The following NOL10 variants were observed in gnomAD, a reference collection of about 807,000 sequenced individuals.
NOL10 encodes the protein nucleolar protein 10, also known as H_NH0074G24.1.
NOL10 carries 58 observed loss-of-function variants against 103.5 expected under a neutral mutation model. The ratio of observed to expected loss-of-function variants is 0.56; its 90% CI spans 0.45 to 0.70. The LOEUF is 0.70. NOL10 is among the 30% of genes least tolerant of loss of function. NOL10 has a pLI of 0.00. For missense variants in NOL10, 763 were observed against 807.3 expected (o/e 0.95, Z 0.67); for synonymous variants, 287 against 282.5 (o/e 1.02, Z -0.16).
intron 20 of NOL10, among the ~76,000 whole-genome samples, chr2:10,575,146 T>C (rs917483406): frequency 1.3e-5 from 2 of 152,204 alleles, no homozygotes; most frequent in East Asian, 1.9e-4. Context: ...ACAGGCACAT[T>C]TGTATCAGCA....
chr2:10,583,226 G>C (rs1168630620), intron 19 of NOL10, among the ~76,000 whole-genome samples: 1 of 152,212 alleles, frequency 6.6e-6, no homozygotes, highest in Non-Finnish European at 1.5e-5. Context: ...CAGTACATCT[G>C]TGAATTCTCT....
Position 10,663,014 on chromosome 2 carries a change from G to A in NOL10, c.622C>T (p.Arg208Ter), listed in dbSNP as rs868041961. The change falls in exon 9 of 21, where the codon CGA becomes TGA. Residue 208 changes from arginine to a stop codon, truncating the protein, a stop_gained. Coordinates refer to ENST00000381685, the MANE Select transcript of NOL10 (RefSeq NM_024894.4). LOFTEE classifies it high-confidence loss of function. ...CAGTCTAACAGGCCAACTCTGTTTC[G>A]AGTTCTTGGGTCCCAGCACTCCACT... ...GRVECWDPRT[R>*]NRVGLLDCAL... 2.5e-6 allele frequency: 4 copies of A among 1,613,852 alleles called. No individual in the cohort carries two copies. The highest frequency in any genetic ancestry group is 3.4e-6 in the Non-Finnish European group (4 of 1,179,812).
chr2:10,649,193 A>G (rs910346349), intron 12 of NOL10, among the ~76,000 whole-genome samples: 1 of 150,126 alleles, frequency 6.7e-6, no homozygotes, highest in African/African-American at 2.5e-5. Flanking sequence ...AAACCACAAC[A>G]ACCACAGAAG....
rs1324980030 is a variant in NOL10, at chr2:10,657,862, C to T, written c.786G>A (p.Lys262=). ...ACTGGTGATCTTTAACTAGCAATGG[C>T]TTATCAGATCGAAGGTCATATAATA... The part of the protein sequence containing the change: ...QVLLYDLRSD[K]PLLVKDHQYG... The change falls in exon 11 of 21, where the codon AAG becomes AAA. Residue 262 remains lysine (K), a synonymous_variant. Transcript: ENST00000381685. 2 of 1,545,250 alleles carry T rather than the reference C, an allele frequency of 1.3e-6. No individual in the cohort carries two copies. The highest frequency in any genetic ancestry group is 1.7e-6 in the Non-Finnish European group (2 of 1,144,614).
intron 13 of NOL10, among the ~76,000 whole-genome samples, chr2:10,633,252 A>G (rs564729566): frequency 1.3e-5 from 2 of 152,030 alleles, no homozygotes; most frequent in African/African-American, 4.8e-5. Context: ...TATTTTTTTG[A>G]GACAAGTTCT....
At position 10,620,673 on chromosome 2, in the gene NOL10, T is replaced by C. The variant is rs558804998; in HGVS notation, c.1027-13362A>G. ...AAGTAGAGTCTTAAGTATGCATAGTTTCCTCTGAGGTAATAAACAGGATTC... is the reference window on the plus strand; with the variant it reads ...AAGTAGAGTCTTAAGTATGCATAGTCTCCTCTGAGGTAATAAACAGGATTC... On this transcript the variant is annotated intron_variant, in intron 13 of 20. Coordinates refer to ENST00000381685, the MANE Select transcript of NOL10 (RefSeq NM_024894.4). Among the ~76,000 whole-genome samples the C allele has an allele frequency of 1.1e-3, 165 of 152,320 alleles. 1 individual carries two copies. Among genetic ancestry groups the C allele is most frequent in the African/African-American group, 3.9e-3 (161 of 41,564 alleles).
At chr2:10,596,181 A>G (rs970240637) in intron 17 of NOL10, among the ~76,000 whole-genome samples, 3 of 142,124 alleles carry the variant, frequency 2.1e-5, no homozygotes, top group African/African-American at 8.0e-5. Context: ...GAATACACAT[A>G]GCCTAGAACA....
At chr2:10,646,124 C>G (rs1990614) in intron 12 of NOL10, among the ~76,000 whole-genome samples, 33,152 of 152,036 alleles carry the variant, frequency 0.22, 4,762 homozygotes, top group East Asian at 0.44. Context: ...ACAACGTTCA[C>G]CGAGGTCATG....
chr2:10,663,653 T>C (rs1680365071), intron 8 of NOL10, among the ~76,000 whole-genome samples: 2 of 151,684 alleles, frequency 1.3e-5, no homozygotes, highest in African/African-American at 2.4e-5. Flanking sequence ...TTTTTTTTAA[T>C]GAAAAGAAGA....
intron 8 of NOL10, among the ~76,000 whole-genome samples, chr2:10,665,743 T>G (rs917602663): frequency 4.6e-5 from 7 of 152,232 alleles, no homozygotes; most frequent in African/African-American, 1.7e-4. Flanking sequence ...AAACTTCCCC[T>G]TGGTAATCTC....
rs374802991 is a variant in NOL10 at position 10,689,844 on chromosome 2, G to A, written c.18C>T (p.Leu6=). The part of the protein sequence containing the change: MQVSS[L]NEVKIYSLSC... ...TGAGGCTGTAAATCTTCACCTCATT[G>A]AGGCTGGAGACCTGCATGGCGCCGC... Residue 6 remains leucine, a synonymous_variant, in exon 1 of 21, where the codon CTC becomes CTT. Coordinates refer to ENST00000381685, the MANE Select transcript of NOL10 (RefSeq NM_024894.4). 2 of 1,607,484 alleles carry A rather than the reference G, an allele frequency of 1.2e-6. No individual in the cohort carries two copies. The highest frequency in any genetic ancestry group is 1.7e-6 in the Non-Finnish European group (2 of 1,177,138).
At chr2:10,644,890 A>G (rs186643329) in intron 12 of NOL10, among the ~76,000 whole-genome samples, 43 of 152,340 alleles carry the variant, frequency 2.8e-4, no homozygotes, top group African/African-American at 9.6e-4. Context: ...AAGTATTCAA[A>G]TATCTCGGTT....
intron 3 of NOL10, 28 bp from the exon 4 acceptor site, chr2:10,675,899 CTAA>C: frequency 7.9e-7 from 1 of 1,266,096 alleles, no homozygotes. Context: ...GATGTAAAAC[CTAA>C]AGACATACTT....
At chr2:10,673,780 T>C (rs577003107) in intron 4 of NOL10, among the ~76,000 whole-genome samples, 1 of 152,318 alleles carries the variant, frequency 6.6e-6, no homozygotes, top group South Asian at 2.1e-4. Flanking sequence ...CTAGATTTCT[T>C]GTAGAACTGA....
chr2:10,626,127 G>A (rs1263664517), intron 13 of NOL10, among the ~76,000 whole-genome samples: 1 of 152,074 alleles, frequency 6.6e-6, no homozygotes, highest in Non-Finnish European at 1.5e-5. Context: ...GCTGCAGTGA[G>A]CCATGATCAC....
At chr2:10,645,580 C>T (rs1165123889) in intron 12 of NOL10, among the ~76,000 whole-genome samples, 3 of 147,214 alleles carry the variant, frequency 2.0e-5, no homozygotes, top group Non-Finnish European at 4.4e-5. Context: ...GTTGCCCAGG[C>T]TGGAGTGCAG....
intron 3 of NOL10, among the ~76,000 whole-genome samples, chr2:10,677,929 A>G (rs1216523159): frequency 6.7e-6 from 1 of 148,696 alleles, no homozygotes; most frequent in African/African-American, 2.5e-5. Flanking sequence ...CCATATAGAC[A>G]GATACATATA....
At chr2:10,677,874 T>C (rs1249608097) in intron 3 of NOL10, among the ~76,000 whole-genome samples, 1 of 150,960 alleles carries the variant, frequency 6.6e-6, no homozygotes, top group African/African-American at 2.4e-5. Flanking sequence ...TGTGTGTGTA[T>C]ACACATATAT....
intron 9 of NOL10, among the ~76,000 whole-genome samples, chr2:10,659,504 C>A (rs1680054650): frequency 6.7e-6 from 1 of 149,178 alleles, no homozygotes; most frequent in African/African-American, 2.5e-5. Flanking sequence ...CAGTGAGACA[C>A]CATCTCTACA....
Sources: allele counts gnomAD v4.1 joint callset (sites outside exome capture counted in the v4.1 genomes callset), GRCh38; gene constraint gnomAD v4.1.1; transcripts MANE v1.5; gene names NCBI Gene and HGNC (gene_info 2026-07-23, HGNC 2026-07-21).